The following KRT75 variants were observed in gnomAD, a reference collection of about 807,000 sequenced individuals.
KRT75 encodes the protein keratin 75, also known as keratin, type II cytoskeletal 75.
Under a neutral mutation model 48.8 loss-of-function variants are expected in KRT75, and 35 were observed. The observed-to-expected ratio is 0.72, with a 90% CI of 0.55 to 0.95. The LOEUF is 0.95. Among genes scored for constraint, KRT75 ranks in the 40% least tolerant of loss-of-function variants. KRT75 has a pLI of 0.00. For synonymous variants in KRT75, 301 were observed against 282.3 expected, an observed-to-expected ratio of 1.07 and a Z score of -0.66; for missense variants, 776 against 709.9, an observed-to-expected ratio of 1.09 and a Z score of -1.06.
At chr12:52,428,772 T>A (rs765610491) in intron 5 of KRT75, 29 bp from the exon 6 acceptor site, 3 of 1,613,250 alleles carry the variant, frequency 1.9e-6, no homozygotes, top group Non-Finnish European at 2.5e-6. Flanking sequence ...ACCCAGTCAC[T>A]GAGTCAAATG....
chr12:52,432,139 A>G, intron 2 of KRT75, 73 bp from the exon 3 acceptor site: 1 of 1,462,210 alleles, frequency 6.8e-7, no homozygotes, highest in South Asian at 1.1e-5. Flanking sequence ...GTGTAGCAAG[A>G]GTTAAGAGCC....
intron 7 of KRT75, among the ~76,000 whole-genome samples, chr12:52,427,710 AT>A (rs1940091300): frequency 6.6e-6 from 1 of 152,214 alleles, no homozygotes; most frequent in African/African-American, 2.4e-5. Flanking sequence ...AACTATTGTT[AT>A]TCACATTTTA....
chr12:52,426,933 G>A, intron 7 of KRT75, 82 bp from the exon 8 acceptor site: 1 of 1,179,398 alleles, frequency 8.5e-7, no homozygotes, highest in Non-Finnish European at 1.3e-6. Context: ...TTTTGTAATT[G>A]TTGACAAAGC....
In KRT75 at chr12:52,433,036, AC is replaced by A. The variant is rs1380503755; in HGVS notation, c.713+1del. 2.5e-6 allele frequency: 4 copies of A among 1,612,666 alleles called. No homozygotes were observed. Among genetic ancestry groups the A allele is most frequent in the Non-Finnish European group, 3.4e-6 (4 of 1,179,880 alleles). ...GTGGCCAGAAGCCAGTCTCCCACTT[AC>A]CTGACTTTGAAATCTTCCACAACAT... On this transcript the variant is annotated splice_donor_variant, in intron 2 of 8. Transcript: ENST00000252245. LOFTEE classifies it high-confidence loss of function.
Position 52,433,874 on chromosome 12 carries a change from C to A in KRT75, c.431G>T (p.Arg144Leu). The A allele has an allele frequency of 6.2e-7, 1 of 1,614,138 alleles. No individual in the cohort carries two copies. Among genetic ancestry groups the A allele is most frequent in the Non-Finnish European group, 8.5e-7 (1 of 1,180,018 alleles). ...LHLQIDPTIQ[R>L]VRAEEREQIK... ...CTGCTCGCGCTCCTCGGCCCGCACC[C>A]GCTGGATGGTGGGGTCGATTTGCAG... is the stretch of plus-strand genomic sequence containing the variant. The change falls in exon 1 of 9, where the codon CGG becomes CTG. Residue 144 changes from arginine to leucine, a missense_variant. Transcript: ENST00000252245.
At chr12:52,431,879 G>A in intron 3 of KRT75, 127 bp downstream of exon 3, 1 of 941,178 alleles carries the variant, frequency 1.1e-6, no homozygotes, top group Non-Finnish European at 1.7e-6. Flanking sequence ...TGGGAGGTTT[G>A]AACTCTGCAG....
At chr12:52,431,751 G>T in intron 3 of KRT75, 113 bp from the exon 4 acceptor site, 1 of 899,260 alleles carries the variant, frequency 1.1e-6, no homozygotes, top group East Asian at 2.5e-5. Flanking sequence ...AGAAAACTCT[G>T]GGTCTGGGTG....
chr12:52,426,669 G>T (rs1008901223), intron 8 of KRT75, 148 bp downstream of exon 8: 10 of 824,390 alleles, frequency 1.2e-5, no homozygotes, highest in Non-Finnish European at 1.9e-5. Flanking sequence ...CTTTTTAAGG[G>T]ACCCAAAACC....
At chr12:52,432,467 C>T (rs898026004) in intron 2 of KRT75, among the ~76,000 whole-genome samples, 2 of 152,108 alleles carry the variant, frequency 1.3e-5, no homozygotes, top group African/African-American at 4.8e-5. Flanking sequence ...CTCAGGGTGG[C>T]CCCTGAGAAA....
At chr12:52,432,878 T>C (rs1455736614) in intron 2 of KRT75, among the ~76,000 whole-genome samples, 160 bp downstream of exon 2, 1 of 152,188 alleles carries the variant, frequency 6.6e-6, no homozygotes, top group Non-Finnish European at 1.5e-5. Flanking sequence ...TGAAGGTCCT[T>C]GTGCTACCCC....
intron 2 of KRT75, 64 bp from the exon 3 acceptor site, chr12:52,432,130 T>C: frequency 6.5e-7 from 1 of 1,545,260 alleles, no homozygotes; most frequent in Non-Finnish European, 8.9e-7. Context: ...TCCAGGCTGG[T>C]GTAGCAAGAG....
chr12:52,433,795 G>A lies in KRT75; in HGVS notation c.498+12C>T. ...TCCCAAACCCAAGGGGGTGGATGAA[G>A]CCCCTGCTTACCTTGTCGATGAAGG... is the stretch of plus-strand genomic sequence containing the variant. On this transcript the variant is annotated intron_variant, in intron 1 of 8. Transcript: ENST00000252245. 1 of 1,614,114 alleles carries A rather than the reference G, an allele frequency of 6.2e-7. No homozygotes were observed. The highest frequency in any genetic ancestry group is 8.5e-7 in the Non-Finnish European group (1 of 1,179,998).
At chr12:52,431,040 A>C (rs757245722) in intron 4 of KRT75, among the ~76,000 whole-genome samples, 3 of 152,174 alleles carry the variant, frequency 2.0e-5, no homozygotes, top group Non-Finnish European at 4.4e-5. Context: ...CATCTGGGAC[A>C]CTGCTTCCCC....
At chr12:52,425,891 A>C (rs1940070610) in intron 8 of KRT75, among the ~76,000 whole-genome samples, 1 of 152,202 alleles carries the variant, frequency 6.6e-6, no homozygotes, top group Non-Finnish European at 1.5e-5. Flanking sequence ...AGCCCTGGAA[A>C]ACTAATACAG....
chr12:52,424,806 G>T (rs749251142), intron 8 of KRT75, 51 bp from the exon 9 acceptor site: 2 of 1,444,462 alleles, frequency 1.4e-6, no homozygotes, highest in South Asian at 1.1e-5. Context: ...CGAGAAGACA[G>T]CTGGGAGTGT....
At chr12:52,429,507 A>T (rs748727691) in intron 5 of KRT75, among the ~76,000 whole-genome samples, 22 of 152,136 alleles carry the variant, frequency 1.4e-4, no homozygotes, top group Non-Finnish European at 2.8e-4. Context: ...ACAAAAGGAG[A>T]TCCCCTGCCA....
rs529836949 is a variant in KRT75, at chr12:52,424,435, G to T, written c.*82C>A. 7 of 1,246,798 alleles carry T rather than the reference G, an allele frequency of 5.6e-6. No individual in the cohort carries two copies. The highest frequency in any genetic ancestry group is 8.3e-6 in the Non-Finnish European group (7 of 845,178). 77.2% of individuals were successfully genotyped at this position (1,246,798 alleles called of 1,614,324 possible). ...GCAGCACAGGTGCACCTTACAAGGA[G>T]AGAGGAAGGAGGAGGACCCTGGTGT... On this transcript the variant is annotated 3_prime_UTR_variant, in exon 9 of 9. Coordinates refer to ENST00000252245, the MANE Select transcript of KRT75 (RefSeq NM_004693.3).
At chr12:52,431,505 C>T (rs201340740) in intron 4 of KRT75, 38 bp downstream of exon 4, 3 of 1,408,556 alleles carry the variant, frequency 2.1e-6, no homozygotes, top group Admixed American at 3.3e-5. Context: ...TTCCAGGCTC[C>T]AGACCTAGGA....
At chr12:52,429,769 C>A (rs891563778) in intron 5 of KRT75, among the ~76,000 whole-genome samples, 1 of 152,150 alleles carries the variant, frequency 6.6e-6, no homozygotes, top group African/African-American at 2.4e-5. Context: ...GATGAGGCAA[C>A]GTATGGAGCA....
Sources: allele counts gnomAD v4.1 joint callset (sites outside exome capture counted in the v4.1 genomes callset), GRCh38; gene constraint gnomAD v4.1.1; transcripts MANE v1.5; gene names NCBI Gene and HGNC (gene_info 2026-07-23, HGNC 2026-07-21).